LTBP1: variants seen among roughly 807,000 people sequenced by gnomAD.
LTBP1 encodes latent-transforming growth factor beta-binding protein 1.
In LTBP1, 129 loss-of-function variants were observed where a neutral mutation model predicts 207.6. That is an observed-to-expected ratio of 0.62 (90% CI 0.54 to 0.72). LTBP1 has a LOEUF of 0.72. Ranked by LOEUF, LTBP1 falls within the 30% of genes least tolerant of loss-of-function variation. The probability of loss-of-function intolerance (pLI) is 0.00; values close to 1 mark genes in which losing one functional copy is unlikely to be tolerated. For missense variants in LTBP1, 2,281 were observed against 2,217.2 expected (o/e 1.03, Z -0.58); for synonymous variants, 963 against 833.7 (o/e 1.16, Z -2.67).
At chr2:33,310,865 A>C (rs1027819327) in intron 23 of LTBP1, among the ~76,000 whole-genome samples, 3 of 152,172 alleles carry the variant, frequency 2.0e-5, no homozygotes, top group Non-Finnish European at 4.4e-5. Flanking sequence ...TGGAAAATTC[A>C]CACTTATTTT....
At chr2:33,202,492 C>T (rs748605671) in intron 7 of LTBP1, among the ~76,000 whole-genome samples, 6 of 152,294 alleles carry the variant, frequency 3.9e-5, no homozygotes, top group South Asian at 4.1e-4. Context: ...GTCCTGGCAA[C>T]GTGAATATTA....
intron 31 of LTBP1, among the ~76,000 whole-genome samples, chr2:33,388,958 T>A (rs1342835959): frequency 2.0e-5 from 3 of 152,220 alleles, no homozygotes; most frequent in Non-Finnish European, 4.4e-5. Flanking sequence ...ATATTTTTGA[T>A]CTTCAATTTG....
At chr2:33,296,705 A>G (rs985436966) in intron 20 of LTBP1, among the ~76,000 whole-genome samples, 3 of 152,160 alleles carry the variant, frequency 2.0e-5, no homozygotes, top group Admixed American at 1.3e-4. Context: ...TAATATATAT[A>G]TAATGTCTAA....
At chr2:33,329,667 G>A (rs754193277) in intron 24 of LTBP1, among the ~76,000 whole-genome samples, 1 of 151,832 alleles carries the variant, frequency 6.6e-6, no homozygotes, top group Non-Finnish European at 1.5e-5. Context: ...CCACTAATAT[G>A]AATTTTTTTT....
chr2:33,116,302 C>G (rs2080742332), intron 4 of LTBP1, among the ~76,000 whole-genome samples: 1 of 152,210 alleles, frequency 6.6e-6, no homozygotes, highest in African/African-American at 2.4e-5. Context: ...GTCGTTCTCT[C>G]AAGATGGGCT....
chr2:32,958,143 C>A (rs989541343), intron 2 of LTBP1, among the ~76,000 whole-genome samples: 1 of 152,194 alleles, frequency 6.6e-6, no homozygotes, highest in African/African-American at 2.4e-5. Context: ...TTAATACTTT[C>A]TCACTGTGTA....
intron 2 of LTBP1, among the ~76,000 whole-genome samples, chr2:33,003,290 G>A (rs1300207192): frequency 6.6e-6 from 1 of 152,186 alleles, no homozygotes; most frequent in African/African-American, 2.4e-5. Context: ...TTGACTGTAA[G>A]TGATTTTCAT....
chr2:33,292,885 C>A (rs932476128), intron 19 of LTBP1, among the ~76,000 whole-genome samples: 5 of 152,150 alleles, frequency 3.3e-5, no homozygotes, highest in Non-Finnish European at 7.4e-5. Context: ...CTTCCTTCCT[C>A]CCCCCTACAA....
chr2:33,390,310 C>A (rs868510319), intron 32 of LTBP1, among the ~76,000 whole-genome samples: 13 of 152,116 alleles, frequency 8.5e-5, no homozygotes, highest in African/African-American at 3.1e-4. Context: ...TACAAACACA[C>A]AAGCTCAAAT....
chr2:33,380,631 G>A lies in LTBP1; in HGVS notation c.4712-8553G>A, dbSNP rs141710626. ...AATATGCAAGCTAGAAAGGACCTTC[G>A]AGATCATCTAGTCTTATTGCCTCAT... On this transcript the variant is annotated intron_variant, in intron 31 of 33. Transcript: ENST00000404816. Among the ~76,000 whole-genome samples, 252 of 152,090 alleles carry A rather than the reference G, an allele frequency of 1.7e-3. 2 individuals carry two copies. Among genetic ancestry groups the A allele is most frequent in the African/African-American group, 5.9e-3 (244 of 41,494 alleles).
rs1553316521 is a variant in LTBP1 at position 33,382,111 on chromosome 2, T to TTTTTTTTTTTG, written c.4712-7072_4712-7071insTTTTTTTTTGT. On this transcript the variant is annotated intron_variant, in intron 31 of 33. Transcript: ENST00000404816. Reference sequence around the variant, plus strand: ...TTTTTTTTTTTTTTTTTTTTTTTTTTTGAGACAGAGTCTCGCTCTGTTGCC... The same window carrying TTTTTTTTTTTG: ...TTTTTTTTTTTTTTTTTTTTTTTTTTTTTTTTTTTTGTGAGACAGAGTCTCGCTCTGTTGCC... Among the ~76,000 whole-genome samples, 25 of 103,652 alleles carry TTTTTTTTTTTG rather than the reference T, an allele frequency of 2.4e-4. 8 individuals are homozygous for TTTTTTTTTTTG. Among genetic ancestry groups the TTTTTTTTTTTG allele is most frequent in the African/African-American group, 1.2e-3 (24 of 20,682 alleles). The allele number at this position is 103,652 out of a possible 152,430, so 68.0% of individuals were successfully genotyped here.
rs61265528 is a variant in LTBP1, at chr2:33,081,005, A to G, written c.864-29577A>G. Among the ~76,000 whole-genome samples, 694 of 152,336 alleles carry G rather than the reference A, an allele frequency of 4.6e-3. 9 individuals are homozygous for G. Among genetic ancestry groups the G allele is most frequent in the African/African-American group, 0.016 (651 of 41,580 alleles). ...GACATGGGAGCTTTCAGAAGTGAAGACCCAAAGAAACAGGGAAACCTCTAT... is the reference window on the plus strand; with the variant it reads ...GACATGGGAGCTTTCAGAAGTGAAGGCCCAAAGAAACAGGGAAACCTCTAT... On this transcript the variant is annotated intron_variant, in intron 3 of 33. Transcript: ENST00000404816.
chr2:33,255,333 C>T (rs1279613048), intron 11 of LTBP1, among the ~76,000 whole-genome samples: 1 of 152,012 alleles, frequency 6.6e-6, no homozygotes, highest in Non-Finnish European at 1.5e-5. Flanking sequence ...CAGGAAACAA[C>T]AGGTGCTGGA....
chr2:33,186,675 G>C (rs1468296573), intron 5 of LTBP1, among the ~76,000 whole-genome samples, 181 bp from the exon 6 acceptor site: 1 of 152,142 alleles, frequency 6.6e-6, no homozygotes, highest in Non-Finnish European at 1.5e-5. Context: ...GAAAGAAAAA[G>C]GTAGTCAGTA....
At chr2:33,377,415 A>G (rs1203160155) in intron 31 of LTBP1, among the ~76,000 whole-genome samples, 2 of 152,218 alleles carry the variant, frequency 1.3e-5, no homozygotes, top group Non-Finnish European at 2.9e-5. Flanking sequence ...CGTTGGTGAC[A>G]TGAGCACTTC....
chr2:33,134,976 G>T lies in LTBP1; in HGVS notation c.1201+16G>T. On this transcript the variant is annotated intron_variant, in intron 5 of 33. Coordinates refer to ENST00000404816, the MANE Select transcript of LTBP1 (RefSeq NM_206943.4). This position sits in a 1 kb window ranked among gnomAD's most constrained non-coding sequence, Gnocchi z 4.4. ...TTCCGAGTGGGTGAGTTCCTCCACG[G>T]TCCCTAACTGTCCTTACTGAGTCGA... 1 of 1,586,172 alleles carries T rather than the reference G, an allele frequency of 6.3e-7. No homozygotes were observed. Among genetic ancestry groups the T allele is most frequent in the Non-Finnish European group, 8.6e-7 (1 of 1,165,894 alleles).
At chr2:33,320,907 C>A (rs1320634377) in intron 24 of LTBP1, among the ~76,000 whole-genome samples, 1 of 152,118 alleles carries the variant, frequency 6.6e-6, no homozygotes, top group East Asian at 1.9e-4. Context: ...TATTGGGAAC[C>A]TAAAACTGCT....
intron 2 of LTBP1, among the ~76,000 whole-genome samples, chr2:32,989,116 A>G (rs1268794231): frequency 2.0e-5 from 3 of 152,178 alleles, no homozygotes; most frequent in Non-Finnish European, 4.4e-5. Flanking sequence ...GGAGTCCCTT[A>G]TTGAACTCTG....
intron 31 of LTBP1, among the ~76,000 whole-genome samples, chr2:33,383,181 C>T (rs2095235600): frequency 6.6e-6 from 1 of 152,178 alleles, no homozygotes; most frequent in Admixed American, 6.5e-5. Flanking sequence ...TACTGAAACC[C>T]CGTCTCTACT....
Sources: allele counts gnomAD v4.1 joint callset (sites outside exome capture counted in the v4.1 genomes callset), GRCh38; gene constraint gnomAD v4.1.1; non-coding constraint Gnocchi (gnomAD v3.1); transcripts MANE v1.5; gene names NCBI Gene and HGNC (gene_info 2026-07-23, HGNC 2026-07-21).